ZFHX3: variants seen among roughly 807,000 people sequenced by gnomAD.
The protein encoded by ZFHX3 is zinc finger homeobox protein 3.
In ZFHX3, 42 loss-of-function variants were observed where a neutral mutation model predicts 279.1. The ratio of observed to expected loss-of-function variants is 0.15; its 90% CI spans 0.12 to 0.19. The LOEUF (loss-of-function observed/expected upper bound fraction) is 0.19, where lower values mean the gene tolerates loss of function less well. Among genes scored for constraint, ZFHX3 ranks in the 10% least tolerant of loss-of-function variants. The probability of loss-of-function intolerance (pLI) is 1.00; values close to 1 mark genes in which losing one functional copy is unlikely to be tolerated. For synonymous variants in ZFHX3, 2,293 were observed against 1,957.8 expected (o/e 1.17, Z -4.52); for missense variants, 4,981 against 4,754.0 (o/e 1.05, Z -1.40).
intron 4 of ZFHX3, among the ~76,000 whole-genome samples, chr16:72,870,401 A>G (rs1005892723): frequency 2.7e-5 from 4 of 148,432 alleles, no homozygotes; most frequent in Admixed American, 1.3e-4. Flanking sequence ...CCCTGTCTTT[A>G]AAAAAAAAGA....
intron 1 of ZFHX3, among the ~76,000 whole-genome samples, chr16:72,972,244 T>C (rs1025615282): frequency 5.9e-5 from 9 of 152,106 alleles, no homozygotes; most frequent in Non-Finnish European, 7.3e-5. Flanking sequence ...GAGTGAGTAA[T>C]GAAAGGGTTT....
chr16:73,008,175 T>C (rs1019673848), intron 1 of ZFHX3, among the ~76,000 whole-genome samples: 3 of 152,210 alleles, frequency 2.0e-5, no homozygotes, highest in African/African-American at 4.8e-5. Context: ...ACTTAATTCA[T>C]TTATTTTCAT....
chr16:73,682,850 AAGAG>A (rs771627415), intron 1 of ZFHX3, among the ~76,000 whole-genome samples: 1 of 100,704 alleles, frequency 9.9e-6, no homozygotes, highest in Non-Finnish European at 1.9e-5. Context: ...GAAAAAAAGA[AAGAG>A]AAAGAAAGAA....
intron 1 of ZFHX3, among the ~76,000 whole-genome samples, chr16:73,781,280 C>G (rs1378964136): frequency 1.3e-5 from 2 of 152,188 alleles, no homozygotes; most frequent in Non-Finnish European, 2.9e-5. Flanking sequence ...TACCTGAAGG[C>G]CTTTGTAAGG....
chr16:72,811,213 A>T (rs1254347947), intron 7 of ZFHX3, among the ~76,000 whole-genome samples: 1 of 152,200 alleles, frequency 6.6e-6, no homozygotes, highest in Admixed American at 6.5e-5. Flanking sequence ...AGAGTTTGTT[A>T]TGAGGATGAA....
rs1489801346 is a variant in ZFHX3 at position 73,543,975 on chromosome 16, G to A, written c.-1546-87717C>T. ...AGAAGGGAAGAGAGAGAGGGAGATAGAGCGAAAAAGGAGGGTCCCCGACTT... is the reference window on the plus strand; with the variant it reads ...AGAAGGGAAGAGAGAGAGGGAGATAAAGCGAAAAAGGAGGGTCCCCGACTT... On this transcript the variant is annotated intron_variant, in intron 2 of 17. Coordinates refer to the ZFHX3 transcript ENST00000641206. 2.6e-5 allele frequency: 4 copies of A among 152,190 alleles called. No homozygotes were observed. In the South Asian group the frequency reaches 6.2e-4, roughly 24 times the overall value. The allele number at this position is 152,190 out of a possible 1,614,324, so 9.4% of individuals were successfully genotyped here.
chr16:73,869,264 G>GA (rs1444623597), intron 1 of ZFHX3, among the ~76,000 whole-genome samples: 1 of 152,206 alleles, frequency 6.6e-6, no homozygotes, highest in Non-Finnish European at 1.5e-5. Context: ...TATGACTCAT[G>GA]AATAAGCAAA....
chr16:73,864,983 T>A (rs763019049), intron 1 of ZFHX3, among the ~76,000 whole-genome samples: 1 of 152,214 alleles, frequency 6.6e-6, no homozygotes, highest in Non-Finnish European at 1.5e-5. Flanking sequence ...TGAGCCTTGT[T>A]CTTAAGGGAC....
At chr16:73,751,843 T>C (rs934562702) in intron 1 of ZFHX3, among the ~76,000 whole-genome samples, 5 of 152,150 alleles carry the variant, frequency 3.3e-5, no homozygotes, top group African/African-American at 1.2e-4. Flanking sequence ...TTGACTGCAT[T>C]CCTATAGTCA....
rs1310513258 is a variant in ZFHX3, at chr16:72,785,283, A to G, written c.*1881T>C. 6.6e-6 allele frequency: 1 copy of G among 152,660 alleles called. No individual in the cohort carries two copies. The highest frequency in any genetic ancestry group is 1.5e-5 in the Non-Finnish European group (1 of 68,044). 9.5% of individuals were successfully genotyped at this position (152,660 alleles called of 1,614,324 possible). ...TGTGTTAACAGGAATATGGATATTA[A>G]CAGAAACAAGTGCCTCACATACAGT... On this transcript the variant is annotated 3_prime_UTR_variant, in exon 10 of 10. Coordinates refer to ENST00000268489, the MANE Select transcript of ZFHX3 (RefSeq NM_006885.4).
chr16:73,542,497 G>A (rs1014886008), intron 2 of ZFHX3, among the ~76,000 whole-genome samples: 1 of 152,012 alleles, frequency 6.6e-6, no homozygotes, highest in Admixed American at 6.5e-5. Flanking sequence ...CAGGAGTATT[G>A]GTCTACAGGG....
rs114474152 is a variant in ZFHX3 at position 73,530,842 on chromosome 16, T to G, written c.-1546-74584A>C. Among the ~76,000 whole-genome samples the G allele has an allele frequency of 2.1e-3, 318 of 152,318 alleles. 1 individual carries two copies. The highest frequency in any genetic ancestry group is 7.5e-3 in the African/African-American group (313 of 41,566). On this transcript the variant is annotated intron_variant, in intron 2 of 17. Transcript: ENST00000641206. ...ATTTTATTTGTCTTCATAACCCCAG[T>G]GTCTGCCCAGAAAATACTTGACAAC...
intron 2 of ZFHX3, among the ~76,000 whole-genome samples, chr16:73,520,669 A>C (rs1433459233): frequency 6.6e-6 from 1 of 152,256 alleles, no homozygotes; most frequent in East Asian, 1.9e-4. Flanking sequence ...GTAGACATAC[A>C]TGAAATAAAT....
intron 1 of ZFHX3, among the ~76,000 whole-genome samples, chr16:73,887,779 A>G (rs549341108): frequency 6.6e-6 from 1 of 152,336 alleles, no homozygotes; most frequent in East Asian, 1.9e-4. Context: ...GTAACTTAAA[A>G]CAGCCCAAAA....
At chr16:73,469,976 C>T (rs1011563897) in intron 2 of ZFHX3, among the ~76,000 whole-genome samples, 2 of 152,056 alleles carry the variant, frequency 1.3e-5, no homozygotes, top group African/African-American at 4.8e-5. Context: ...TTCAGAACTC[C>T]CAACATGATT....
chr16:73,403,447 C>T (rs1051507617), intron 3 of ZFHX3, among the ~76,000 whole-genome samples: 8 of 152,148 alleles, frequency 5.3e-5, no homozygotes, highest in East Asian at 1.9e-4. Context: ...TGTGTGAAGG[C>T]GCAGGAGCGT....
chr16:72,924,697 CATCA>C (rs1241135734), intron 3 of ZFHX3, among the ~76,000 whole-genome samples: 1 of 152,198 alleles, frequency 6.6e-6, no homozygotes, highest in Non-Finnish European at 1.5e-5. Flanking sequence ...TTGCATATGA[CATCA>C]ATTCTGCTGT....
intron 2 of ZFHX3, among the ~76,000 whole-genome samples, chr16:73,516,136 A>G (rs1245529769): frequency 6.6e-6 from 1 of 152,212 alleles, no homozygotes; most frequent in Non-Finnish European, 1.5e-5. Flanking sequence ...ATACAAATGC[A>G]TTTTGAAAAG....
At chr16:73,875,540 C>T (rs2029920008) in intron 1 of ZFHX3, among the ~76,000 whole-genome samples, 2 of 151,848 alleles carry the variant, frequency 1.3e-5, no homozygotes, top group African/African-American at 2.4e-5. Context: ...AATTTATTTA[C>T]CAGTATTCAA....
Sources: gnomAD v4.1 joint callset for allele counts (sites outside exome capture counted in the v4.1 genomes callset) on GRCh38, gnomAD v4.1.1 for gene constraint, MANE v1.5 for transcripts, NCBI Gene and HGNC (gene_info 2026-07-23, HGNC 2026-07-21) for gene names.